MARVELD3: variants seen among roughly 807,000 people sequenced by gnomAD.
MARVELD3 encodes the protein MARVEL domain containing 3, also known as MARVEL domain-containing protein 3.
MARVELD3 carries 28 observed loss-of-function variants against 33.5 expected under a neutral mutation model. The ratio of observed to expected loss-of-function variants is 0.84; its 90% confidence interval spans 0.62 to 1.15. The LOEUF (loss-of-function observed/expected upper bound fraction) is 1.15, where lower values mean the gene tolerates loss of function less well. Ranked by LOEUF, MARVELD3 falls within the 50% of genes most tolerant of loss-of-function variation. The pLI is 0.00. For missense variants in MARVELD3, 582 were observed against 547.6 expected (o/e 1.06, Z -0.63); for synonymous variants, 241 against 230.4 (o/e 1.05, Z -0.42).
rs2044575114 is a variant in MARVELD3 at position 71,635,515 on chromosome 16, G to T, written c.*712G>T. 1 of 984,812 alleles carries T rather than the reference G, an allele frequency of 1.0e-6. No individual in the cohort carries two copies. The highest frequency in any genetic ancestry group is 1.7e-5 in the African/African-American group (1 of 57,240). 61.0% of individuals were successfully genotyped at this position (984,812 alleles called of 1,614,324 possible). Reference sequence around the variant, plus strand: ...CCAGAGCTTTGGGAGGCTGAGGTAGGAGGATTGCTTGAACCCAGGAGTTCA... The same window carrying T: ...CCAGAGCTTTGGGAGGCTGAGGTAGTAGGATTGCTTGAACCCAGGAGTTCA... On this transcript the variant is annotated 3_prime_UTR_variant, in exon 3 of 3. Coordinates refer to ENST00000268485, the MANE Select transcript of MARVELD3 (RefSeq NM_052858.6).
In MARVELD3 at chr16:71,626,638, G is replaced by C; in HGVS notation, c.409G>C (p.Ala137Pro). The C allele has an allele frequency of 3.3e-6, 5 of 1,535,628 alleles. No individual in the cohort carries two copies. Among genetic ancestry groups the C allele is most frequent in the Non-Finnish European group, 4.4e-6 (5 of 1,144,008 alleles). Residue 137 changes from alanine to proline, a missense_variant, in exon 1 of 3, where the codon GCC (alanine) becomes CCC (proline). By Grantham distance (27) the Ala-to-Pro change is conservative. Transcript: ENST00000268485. The surrounding 1 kb of genome is among the most constrained non-coding windows in gnomAD (Gnocchi z 5.3). ...AAPPGPAPWE[A>P]PEPPQPQRKG... ...GCCTCCTGGGCCCGCGCCCTGGGAAGCCCCGGAGCCGCCGCAGCCGCAGAG... is the reference window on the plus strand; with the variant it reads ...GCCTCCTGGGCCCGCGCCCTGGGAACCCCCGGAGCCGCCGCAGCCGCAGAG...
downstream of MARVELD3, chr16:71,640,287 A>G (rs2044607531): frequency 1.1e-5 from 15 of 1,350,548 alleles, no homozygotes; most frequent in Admixed American, 1.8e-4. Context: ...AAAAGTTGAC[A>G]TTGAATCAAC....
chr16:71,633,694 CTT>C (rs60714318), intron 2 of MARVELD3, among the ~76,000 whole-genome samples: 56 of 131,310 alleles, frequency 4.3e-4, no homozygotes, highest in Admixed American at 6.9e-4. Context: ...CATACCCAGT[CTT>C]TTTTTTTTTT....
downstream of MARVELD3, among the ~76,000 whole-genome samples, chr16:71,636,885 C>A (rs1486853031): frequency 1.3e-5 from 2 of 152,240 alleles, no homozygotes; most frequent in Non-Finnish European, 2.9e-5. Context: ...GCCACCACGC[C>A]AGACCCAGAA....
intron 2 of MARVELD3, among the ~76,000 whole-genome samples, chr16:71,632,615 A>G (rs974976291): frequency 2.0e-5 from 3 of 147,000 alleles, no homozygotes; most frequent in Admixed American, 6.8e-5. Context: ...TTATTTATTT[A>G]TTTATCTTTT....
At chr16:71,630,655 GTA>G (rs367926691) in intron 2 of MARVELD3, among the ~76,000 whole-genome samples, 14 of 148,504 alleles carry the variant, frequency 9.4e-5, no homozygotes, top group Admixed American at 2.0e-4. Context: ...TAAAATATAT[GTA>G]TATATATATA....
chr16:71,634,436 T>TCG lies in MARVELD3; in HGVS notation c.840_841insGC (p.Thr281AlafsTer25). On this transcript the variant is annotated frameshift_variant, in exon 3 of 3. Transcript: ENST00000268485. LOFTEE classifies it high-confidence loss of function. ...GTGGCAATGGCCTGTAGTGGAGCCC[T>TCG]CACAGCCCTCTGCTGCCTCTTCGTT... The TCG allele has an allele frequency of 1.2e-6, 2 of 1,614,202 alleles. No homozygotes were observed. The highest frequency in any genetic ancestry group is 1.7e-6 in the Non-Finnish European group (2 of 1,180,030).
chr16:71,629,193 TG>T, intron 1 of MARVELD3, 173 bp from the exon 2 acceptor site: 1 of 652,806 alleles, frequency 1.5e-6, no homozygotes, highest in Non-Finnish European at 2.4e-6. Flanking sequence ...GCCAAGTATT[TG>T]GATGTCCCGT....
At chr16:71,637,772 T>C (rs1339230819), downstream of MARVELD3, 1 of 152,224 alleles carries the variant, frequency 6.6e-6, no homozygotes, top group Non-Finnish European at 1.5e-5. Context: ...ATTTATCCCA[T>C]TCTTTATTAT....
downstream of MARVELD3, chr16:71,641,153 G>C (rs1373156786): frequency 4.0e-6 from 5 of 1,242,544 alleles, no homozygotes; most frequent in Non-Finnish European, 5.5e-6. Context: ...TTGGACTGAG[G>C]CAAAGTTAAA....
In MARVELD3 at chr16:71,626,707, C is replaced by G; in HGVS notation, c.467+11C>G. The G allele has an allele frequency of 1.4e-6, 2 of 1,442,376 alleles. No individual in the cohort carries two copies. Among genetic ancestry groups the G allele is most frequent in the South Asian group, 1.5e-5 (1 of 67,590 alleles). 89.3% of individuals were successfully genotyped at this position (1,442,376 alleles called of 1,614,324 possible). On this transcript the variant is annotated intron_variant, in intron 1 of 2. Coordinates refer to ENST00000268485, the MANE Select transcript of MARVELD3 (RefSeq NM_052858.6). The surrounding 1 kb of genome is among the most constrained non-coding windows in gnomAD (Gnocchi z 5.3). ...CCGCAGACCCGAAAGGTGAGAGGGG[C>G]CGGGGCGCTGCGACCTCCGCGCCGG...
At chr16:71,627,343 A>G (rs2044484262) in intron 1 of MARVELD3, among the ~76,000 whole-genome samples, 1 of 152,150 alleles carries the variant, frequency 6.6e-6, no homozygotes. Flanking sequence ...TCTTTACTAA[A>G]AATACAAAAA....
At chr16:71,631,791 G>A (rs1039120012) in intron 2 of MARVELD3, among the ~76,000 whole-genome samples, 1 of 152,084 alleles carries the variant, frequency 6.6e-6, no homozygotes, top group African/African-American at 2.4e-5. Flanking sequence ...GACCCTGTCT[G>A]TAAAAAAAAG....
chr16:71,629,028 T>C (rs992782617), intron 1 of MARVELD3: 1 of 218,268 alleles, frequency 4.6e-6, no homozygotes, highest in African/African-American at 2.3e-5. Flanking sequence ...GTCATGTGAA[T>C]GCAAACTGGT....
chr16:71,633,188 C>G (rs1240407751), intron 2 of MARVELD3, among the ~76,000 whole-genome samples: 1 of 151,736 alleles, frequency 6.6e-6, no homozygotes, highest in Non-Finnish European at 1.5e-5. Flanking sequence ...CACAGCAAGA[C>G]CTTTATCACG....
In MARVELD3 at chr16:71,634,538, C is replaced by CG. The variant is rs747980715; in HGVS notation, c.948dup (p.Tyr317ValfsTer22). On this transcript the variant is annotated frameshift_variant, in exon 3 of 3. Coordinates refer to ENST00000268485, the MANE Select transcript of MARVELD3 (RefSeq NM_052858.6). LOFTEE classifies it high-confidence loss of function. ...GAAGGCTTGTTGGACATGCTCATCGCGGGGGGGTACATCCCGGCCTTGTAC... is the reference window on the plus strand; with the variant it reads ...GAAGGCTTGTTGGACATGCTCATCGCGGGGGGGGTACATCCCGGCCTTGTAC... 36 of 1,614,000 alleles carry CG rather than the reference C, an allele frequency of 2.2e-5. No homozygotes were observed. Among genetic ancestry groups the CG allele is most frequent in the African/African-American group, 6.7e-5 (5 of 75,018 alleles).
At position 71,634,245 on chromosome 16, in the gene MARVELD3, C is replaced by T. The variant is rs779788723; in HGVS notation, c.648C>T (p.Ser216=). 27 of 1,613,842 alleles carry T rather than the reference C, an allele frequency of 1.7e-5. No individual in the cohort carries two copies. In the South Asian group the frequency reaches 2.9e-4, roughly 17 times the overall value. The change falls in exon 3 of 3, where the codon AGC becomes AGT. Residue 216 remains serine, a synonymous_variant. Transcript: ENST00000268485. ...VLLNLLILAC[S]SVSYSSTGGY... ...TGAACTTGCTGATCCTGGCCTGCAG[C>T]TCTGTGTCTTACAGTTCCACAGGGG...
rs1286123069 is a variant in MARVELD3, at chr16:71,626,267, G to T, written c.38G>T (p.Arg13Leu). ...DPSGAREPRA[R>L]PRERDPGRRP... Reference sequence around the variant, plus strand: ...TCGGGGGCTCGCGAGCCCCGGGCCCGGCCGAGAGAGCGGGACCCGGGACGG... The same window carrying T: ...TCGGGGGCTCGCGAGCCCCGGGCCCTGCCGAGAGAGCGGGACCCGGGACGG... Residue 13 changes from arginine to leucine, a missense_variant, in exon 1 of 3, where the codon CGG becomes CTG. Transcript: ENST00000268485. This position sits in a 1 kb window ranked among gnomAD's most constrained non-coding sequence, Gnocchi z 5.3. 6.5e-7 allele frequency: 1 copy of T among 1,533,152 alleles called. No individual in the cohort carries two copies. Among genetic ancestry groups the T allele is most frequent in the Non-Finnish European group, 8.8e-7 (1 of 1,139,710 alleles). The allele number at this position is 1,533,152 out of a possible 1,614,324, so 95.0% of individuals were successfully genotyped here.
At chr16:71,632,501 T>C (rs996168774) in intron 2 of MARVELD3, among the ~76,000 whole-genome samples, 4 of 152,074 alleles carry the variant, frequency 2.6e-5, no homozygotes, top group Non-Finnish European at 4.4e-5. Context: ...CTTTAAGACA[T>C]ACTTATAAGT....
Sources: allele counts gnomAD v4.1 joint callset (sites outside exome capture counted in the v4.1 genomes callset), GRCh38; gene constraint gnomAD v4.1.1; non-coding constraint Gnocchi (gnomAD v3.1); transcripts MANE v1.5; gene names NCBI Gene and HGNC (gene_info 2026-07-23, HGNC 2026-07-21).